TMEM132C: variants seen among roughly 807,000 people sequenced by gnomAD.
The protein encoded by TMEM132C is transmembrane protein 132C.
Under a neutral mutation model 61.4 loss-of-function variants are expected in TMEM132C, and 29 were observed. The ratio of observed to expected loss-of-function variants is 0.47; its 90% CI spans 0.35 to 0.64. TMEM132C has a LOEUF of 0.64. Among genes scored for constraint, TMEM132C ranks in the 30% least tolerant of loss-of-function variants. The pLI is 0.00. For synonymous variants in TMEM132C, 656 were observed against 633.1 expected (o/e 1.04, Z -0.54); for missense variants, 1,408 against 1,476.9 (o/e 0.95, Z 0.76).
chr12:128,323,455 C>T lies in TMEM132C; in HGVS notation c.85+55968C>T, dbSNP rs77826092. Among the ~76,000 whole-genome samples, 161 of 152,284 alleles carry T rather than the reference C, an allele frequency of 1.1e-3. No individual in the cohort carries two copies. The East Asian group carries it at 0.026, about 25-fold the overall frequency. ...TTACAGGCCAAGAGGGAAGTGGGGA[C>T]GTTCGTCTTCTCTTCATAGCCTTGC... is the stretch of plus-strand genomic sequence containing the variant. On this transcript the variant is annotated intron_variant, in intron 1 of 8. Transcript: ENST00000435159.
intron 3 of TMEM132C, among the ~76,000 whole-genome samples, chr12:128,599,919 A>G (rs2135572892): frequency 6.6e-6 from 1 of 152,208 alleles, no homozygotes; most frequent in South Asian, 2.1e-4. Context: ...CGTTACCCCC[A>G]TGCTGCTGTT....
intron 4 of TMEM132C, among the ~76,000 whole-genome samples, chr12:128,662,196 C>T (rs1954398109): frequency 1.3e-5 from 2 of 152,174 alleles, no homozygotes; most frequent in Admixed American, 6.5e-5. Flanking sequence ...TTCTATTCCT[C>T]CCCCTGCACA....
chr12:128,502,976 G>C (rs938047431), intron 2 of TMEM132C, among the ~76,000 whole-genome samples: 1 of 152,232 alleles, frequency 6.6e-6, no homozygotes, highest in Admixed American at 6.5e-5. Context: ...TTAGAAGGCT[G>C]TGTCAATCGG....
At chr12:128,480,880 G>A (rs1871296537) in intron 2 of TMEM132C, among the ~76,000 whole-genome samples, 1 of 152,116 alleles carries the variant, frequency 6.6e-6, no homozygotes, top group African/African-American at 2.4e-5. Flanking sequence ...AAAAGGATTC[G>A]GCTGCTTGGA....
intron 2 of TMEM132C, among the ~76,000 whole-genome samples, chr12:128,479,769 C>T (rs901864888): frequency 2.2e-4 from 34 of 152,308 alleles, no homozygotes; most frequent in African/African-American, 6.7e-4. Context: ...CTTAAGCAAA[C>T]GTCTTAACTT....
rs59362697 is a variant in TMEM132C at position 128,542,859 on chromosome 12, CAA to C, written c.975-1076_975-1075del. On this transcript the variant is annotated intron_variant, in intron 2 of 8. Transcript: ENST00000435159. ...CTAGCGACAGAACAATACTTCGATG[CAA>C]AAAAAAAAAAAAAAAAAAAAATGTG... is the stretch of plus-strand genomic sequence containing the variant. Among the ~76,000 whole-genome samples the C allele has an allele frequency of 2.9e-3, 236 of 81,538 alleles. 4 individuals carry two copies. The highest frequency in any genetic ancestry group is 9.0e-3 in the South Asian group (22 of 2,442). 53.5% of individuals were successfully genotyped at this position (81,538 alleles called of 152,430 possible).
chr12:128,376,970 G>T (rs1191887636), intron 1 of TMEM132C, among the ~76,000 whole-genome samples: 3 of 152,202 alleles, frequency 2.0e-5, no homozygotes, highest in Non-Finnish European at 4.4e-5. Flanking sequence ...TCTGATGCTG[G>T]AGGGAGAAAC....
At chr12:128,431,171 C>T (rs913810579) in intron 2 of TMEM132C, among the ~76,000 whole-genome samples, 8 of 152,216 alleles carry the variant, frequency 5.3e-5, no homozygotes, top group African/African-American at 1.7e-4. Context: ...CAAAACAGCC[C>T]TCTGGCTGAT....
chr12:128,676,852 A>T (rs1263959460), intron 5 of TMEM132C, among the ~76,000 whole-genome samples: 1 of 152,244 alleles, frequency 6.6e-6, no homozygotes, highest in East Asian at 1.9e-4. Context: ...AAGCCAGGCC[A>T]GTGTGCGGTG....
At chr12:128,508,879 A>G (rs1225361176) in intron 2 of TMEM132C, among the ~76,000 whole-genome samples, 1 of 152,138 alleles carries the variant, frequency 6.6e-6, no homozygotes, top group African/African-American at 2.4e-5. Context: ...ATGTCGTGTC[A>G]TGTCATGTCA....
intron 1 of TMEM132C, among the ~76,000 whole-genome samples, chr12:128,395,651 A>G (rs1284863183): frequency 6.6e-6 from 1 of 152,232 alleles, no homozygotes; most frequent in Non-Finnish European, 1.5e-5. Context: ...TAAGGTATTG[A>G]ATATCTCATG....
At chr12:128,481,162 C>T (rs923893310) in intron 2 of TMEM132C, among the ~76,000 whole-genome samples, 5 of 152,172 alleles carry the variant, frequency 3.3e-5, no homozygotes, top group Admixed American at 6.5e-5. Flanking sequence ...TTGCCAGAGT[C>T]GGGCCTGTAT....
In TMEM132C at chr12:128,415,372, C is replaced by G; in HGVS notation, c.726C>G (p.Ala242=). Residue 242 remains alanine, a synonymous_variant, in exon 2 of 9, where the codon GCC becomes GCG. Transcript: ENST00000435159. The surrounding 1 kb of genome is among the most constrained non-coding windows in gnomAD (Gnocchi z 5.8). The stretch of plus-strand genomic sequence containing the variant: ...CAGGAAACGAGCGAGGGGACTGTGC[C>G]GGGGGTGACTTCAGGAAGGGCAACG... The part of the protein sequence containing the change: ...VHPGNERGDC[A]GGDFRKGNAI... The G allele has an allele frequency of 6.4e-7, 1 of 1,556,010 alleles. No individual in the cohort carries two copies. Among genetic ancestry groups the G allele is most frequent in the South Asian group, 1.2e-5 (1 of 84,416 alleles).
chr12:128,556,469 A>G (rs142012020), intron 3 of TMEM132C, among the ~76,000 whole-genome samples: 3 of 152,304 alleles, frequency 2.0e-5, no homozygotes, highest in East Asian at 3.9e-4. Flanking sequence ...TTTTCAAATT[A>G]TGACACTCTG....
intron 1 of TMEM132C, among the ~76,000 whole-genome samples, chr12:128,340,725 C>T (rs1269100904): frequency 6.7e-6 from 1 of 150,088 alleles, no homozygotes; most frequent in Non-Finnish European, 1.5e-5. Context: ...TTCTTCCTTC[C>T]TTCCTTCCTT....
intron 1 of TMEM132C, among the ~76,000 whole-genome samples, chr12:128,366,685 C>T (rs1280566187): frequency 6.6e-6 from 1 of 152,180 alleles, no homozygotes; most frequent in Non-Finnish European, 1.5e-5. Context: ...CAAGCCAGTT[C>T]CTCCTTCTGA....
chr12:128,271,267 T>TAATATA (rs140971953), intron 1 of TMEM132C, among the ~76,000 whole-genome samples: 9 of 143,032 alleles, frequency 6.3e-5, no homozygotes, highest in African/African-American at 1.3e-4. Context: ...ATAATAATAA[T>TAATATA]ATAATAATAA....
intron 3 of TMEM132C, among the ~76,000 whole-genome samples, chr12:128,571,378 T>C (rs1277635700): frequency 6.6e-6 from 1 of 152,262 alleles, no homozygotes; most frequent in Admixed American, 6.5e-5. Context: ...TTTTAATGAA[T>C]ATTTTTATTG....
At chr12:128,440,446 C>G (rs1181669179) in intron 2 of TMEM132C, among the ~76,000 whole-genome samples, 2 of 152,220 alleles carry the variant, frequency 1.3e-5, no homozygotes, top group East Asian at 3.9e-4. Flanking sequence ...AGCCAAATCC[C>G]TCTGTGGGGA....
Sources: allele counts gnomAD v4.1 joint callset (sites outside exome capture counted in the v4.1 genomes callset), GRCh38; gene constraint gnomAD v4.1.1; non-coding constraint Gnocchi (gnomAD v3.1); transcripts MANE v1.5; gene names NCBI Gene and HGNC (gene_info 2026-07-23, HGNC 2026-07-21).